Variants in TRABD2B observed in about 807,000 individuals in gnomAD.
The protein encoded by TRABD2B is metalloprotease TIKI2.
Under a neutral mutation model 40.1 loss-of-function variants are expected in TRABD2B, and 14 were observed. That is an observed-to-expected ratio of 0.35 (90% CI 0.23 to 0.55). The LOEUF (loss-of-function observed/expected upper bound fraction) is 0.55. Ranked by LOEUF, TRABD2B falls within the 20% of genes least tolerant of loss-of-function variation. TRABD2B has a pLI of 0.90. For missense variants in TRABD2B, 541 were observed against 648.6 expected (o/e 0.83, Z 1.80); for synonymous variants, 263 against 277.0 (o/e 0.95, Z 0.50).
chr1:47,898,600 A>G (rs1054843743), intron 2 of TRABD2B, among the ~76,000 whole-genome samples: 2 of 152,206 alleles, frequency 1.3e-5, no homozygotes, highest in Non-Finnish European at 2.9e-5. Flanking sequence ...TCCCTTATCT[A>G]CAATTCTGAA....
chr1:47,844,200 A>G lies in TRABD2B; in HGVS notation c.667-42581T>C, dbSNP rs1270729370. ...TGCTGACCACACTTTAAAAAGTGAT[A>G]TAAGCCTCTGAGTGCAAGCTAAGAG... On this transcript the variant is annotated intron_variant, in intron 2 of 6. Transcript: ENST00000606738. 2.6e-5 allele frequency among the ~76,000 whole-genome samples: 4 copies of G among 152,242 alleles called. No homozygotes were observed. In the East Asian group the frequency reaches 7.7e-4, roughly 29 times the overall value.
At chr1:47,867,808 A>AT (rs1432467259) in intron 2 of TRABD2B, among the ~76,000 whole-genome samples, 1 of 152,252 alleles carries the variant, frequency 6.6e-6, no homozygotes, top group Non-Finnish European at 1.5e-5. Context: ...GAAATGTGCT[A>AT]TTTTAAAATA....
At chr1:47,910,818 CA>C (rs1644753278) in intron 2 of TRABD2B, among the ~76,000 whole-genome samples, 1 of 152,202 alleles carries the variant, frequency 6.6e-6, no homozygotes, top group African/African-American at 2.4e-5. Context: ...TAAAACTCCT[CA>C]TTTTCATCTG....
At chr1:47,970,413 T>C (rs1234327827) in intron 2 of TRABD2B, among the ~76,000 whole-genome samples, 3 of 152,188 alleles carry the variant, frequency 2.0e-5, no homozygotes, top group African/African-American at 7.2e-5. Context: ...CCACTGCTTA[T>C]TGGAAAATGG....
intron 2 of TRABD2B, among the ~76,000 whole-genome samples, chr1:47,952,452 T>C (rs1363952272): frequency 6.6e-6 from 1 of 152,152 alleles, no homozygotes; most frequent in Non-Finnish European, 1.5e-5. Context: ...AAGCCCACAA[T>C]GGCCACAAAC....
chr1:47,828,421 T>A (rs555435042), intron 2 of TRABD2B, among the ~76,000 whole-genome samples: 2 of 152,314 alleles, frequency 1.3e-5, no homozygotes, highest in African/African-American at 4.8e-5. Context: ...CCCTCCTGTC[T>A]TCCCATCCCC....
chr1:47,989,580 G>C (rs1645970185), intron 2 of TRABD2B, among the ~76,000 whole-genome samples: 1 of 152,186 alleles, frequency 6.6e-6, no homozygotes, highest in African/African-American at 2.4e-5. Context: ...GGCTTAGAAA[G>C]TTTGGGACAT....
intron 2 of TRABD2B, among the ~76,000 whole-genome samples, chr1:47,842,718 C>T (rs1427529580): frequency 1.3e-5 from 2 of 152,206 alleles, no homozygotes; most frequent in Non-Finnish European, 2.9e-5. Context: ...CCTATGGATG[C>T]GTCTGCCCCA....
intron 2 of TRABD2B, among the ~76,000 whole-genome samples, chr1:47,947,215 A>G (rs1397337843): frequency 6.6e-6 from 1 of 152,190 alleles, no homozygotes; most frequent in Non-Finnish European, 1.5e-5. Context: ...ATCTCTACTA[A>G]TGCTTATGAA....
At chr1:47,933,929 G>A (rs914853527) in intron 2 of TRABD2B, among the ~76,000 whole-genome samples, 5 of 152,194 alleles carry the variant, frequency 3.3e-5, no homozygotes, top group Admixed American at 6.5e-5. Context: ...AAATGTGCTG[G>A]TGCAACTGAG....
chr1:47,818,820 G>C (rs935927940), intron 2 of TRABD2B: 2 of 152,204 alleles, frequency 1.3e-5, no homozygotes, highest in African/African-American at 4.8e-5. Flanking sequence ...GTTTGGTATT[G>C]AAGTGCTGGG....
intron 2 of TRABD2B, among the ~76,000 whole-genome samples, chr1:47,833,329 T>C (rs927473727): frequency 1.3e-5 from 2 of 152,228 alleles, no homozygotes; most frequent in Non-Finnish European, 2.9e-5. Context: ...GGAGTTAAGA[T>C]AAAGTCTCAG....
chr1:47,993,692 C>T (rs11205433), intron 2 of TRABD2B, among the ~76,000 whole-genome samples: 102 of 152,312 alleles, frequency 6.7e-4, no homozygotes, highest in African/African-American at 2.4e-3. Context: ...TGACACAAAC[C>T]GGAAGCCCCC....
chr1:47,900,235 G>A (rs1430620638), intron 2 of TRABD2B, among the ~76,000 whole-genome samples: 3 of 152,092 alleles, frequency 2.0e-5, no homozygotes, highest in African/African-American at 7.2e-5. Flanking sequence ...TTGGGCTGGA[G>A]AGGCAGGACC....
intron 2 of TRABD2B, among the ~76,000 whole-genome samples, chr1:47,869,396 A>T (rs189407866): frequency 7.9e-5 from 12 of 152,340 alleles, no homozygotes; most frequent in Admixed American, 7.2e-4. Context: ...AACTCATTGT[A>T]ACCACCAAAT....
intron 4 of TRABD2B, among the ~76,000 whole-genome samples, chr1:47,792,815 A>G (rs1260800151): frequency 1.3e-5 from 2 of 152,022 alleles, no homozygotes; most frequent in Admixed American, 6.5e-5. Flanking sequence ...AGGCCCCTTC[A>G]CTGACTGCAC....
intron 2 of TRABD2B, among the ~76,000 whole-genome samples, chr1:47,962,280 T>G (rs1329598823): frequency 1.3e-5 from 2 of 152,024 alleles, no homozygotes; most frequent in Non-Finnish European, 2.9e-5. Flanking sequence ...AGTTAATGGG[T>G]GCAGCACAAC....
chr1:47,848,168 T>C (rs550963612), intron 2 of TRABD2B, among the ~76,000 whole-genome samples: 2 of 152,310 alleles, frequency 1.3e-5, no homozygotes, highest in South Asian at 4.1e-4. Flanking sequence ...CTTTTCTCTA[T>C]GAGGGCCAAA....
intron 2 of TRABD2B, among the ~76,000 whole-genome samples, chr1:47,965,556 C>T (rs1339769858): frequency 6.6e-6 from 1 of 152,076 alleles, no homozygotes; most frequent in Non-Finnish European, 1.5e-5. Context: ...GACCCGGGCC[C>T]CAGCCCTCCC....
Sources: allele counts gnomAD v4.1 joint callset (sites outside exome capture counted in the v4.1 genomes callset), GRCh38; gene constraint gnomAD v4.1.1; transcripts MANE v1.5; gene names NCBI Gene and HGNC (gene_info 2026-07-23, HGNC 2026-07-21).